Variants in SHTN1 observed in about 807,000 individuals in gnomAD.
SHTN1 encodes shootin 1.
SHTN1 carries 42 observed loss-of-function variants against 83.1 expected under a neutral mutation model. That is an observed-to-expected ratio of 0.51 (90% CI 0.39 to 0.65). SHTN1 has a LOEUF of 0.65. SHTN1 is among the 30% of genes least tolerant of loss of function. The pLI, the probability that SHTN1 is intolerant of heterozygous loss-of-function variation, is 0.00. For missense variants in SHTN1, 622 were observed against 737.8 expected (o/e 0.84, Z 1.82); for synonymous variants, 224 against 247.7 (o/e 0.90, Z 0.90).
intron 2 of SHTN1, among the ~76,000 whole-genome samples, chr10:117,022,026 ATC>A (rs777931349): frequency 1.3e-4 from 20 of 152,266 alleles, no homozygotes; most frequent in Non-Finnish European, 2.4e-4. Flanking sequence ...GCAAAACCAG[ATC>A]TCTCTGAGAA....
At chr10:116,991,921 T>C (rs1851450277) in intron 1 of SHTN1, among the ~76,000 whole-genome samples, 1 of 152,212 alleles carries the variant, frequency 6.6e-6, no homozygotes, top group South Asian at 2.1e-4. Context: ...GCAGGCTGAC[T>C]GCTTGAGATC....
intron 5 of SHTN1, among the ~76,000 whole-genome samples, 187 bp from the exon 6 acceptor site, chr10:116,952,193 A>G (rs935944994): frequency 6.6e-6 from 1 of 152,212 alleles, no homozygotes; most frequent in African/African-American, 2.4e-5. Flanking sequence ...CAAAATAGCC[A>G]TGGATATTAA....
chr10:117,056,562 C>A (rs1327960458), intron 1 of SHTN1, among the ~76,000 whole-genome samples: 4 of 152,112 alleles, frequency 2.6e-5, no homozygotes, highest in African/African-American at 9.7e-5. Context: ...GTAATCCCAG[C>A]ACTTTGGGAG....
chr10:116,947,802 T>C (rs1037462144), intron 7 of SHTN1, among the ~76,000 whole-genome samples: 2 of 152,218 alleles, frequency 1.3e-5, no homozygotes, highest in Non-Finnish European at 2.9e-5. Context: ...ATCTACATGA[T>C]TAATCCTTGC....
chr10:116,997,944 TAGTC>T (rs1261416607), intron 1 of SHTN1, among the ~76,000 whole-genome samples: 1 of 151,992 alleles, frequency 6.6e-6, no homozygotes, highest in Non-Finnish European at 1.5e-5. Context: ...TACATAAAAT[TAGTC>T]AGGCATGGTG....
At chr10:116,887,233 G>A (rs1017636722) in intron 16 of SHTN1, among the ~76,000 whole-genome samples, 5 of 152,198 alleles carry the variant, frequency 3.3e-5, no homozygotes, top group Non-Finnish European at 5.9e-5. Flanking sequence ...TGGAATTTCA[G>A]AGGCAGTTTT....
chr10:116,883,053 A>C lies in SHTN1; in HGVS notation c.*3291T>G, dbSNP rs2133289442. 6.6e-6 allele frequency: 1 copy of C among 152,250 alleles called. No homozygotes were observed. The highest frequency in any genetic ancestry group is 2.1e-4 in the South Asian group (1 of 4,822). 9.4% of individuals were successfully genotyped at this position (152,250 alleles called of 1,614,324 possible). On this transcript the variant is annotated 3_prime_UTR_variant, in exon 17 of 17. Transcript: ENST00000355371. ...TATAAATTATAATTAAATTACTAAA[A>C]CCAGAGCAAAAATGTACAATGAATA...
chr10:116,941,798 T>C (rs976568986), intron 8 of SHTN1, among the ~76,000 whole-genome samples: 11 of 152,138 alleles, frequency 7.2e-5, no homozygotes, highest in Admixed American at 6.5e-5. Flanking sequence ...GACTTCCACA[T>C]CAAAGTCAAG....
At chr10:117,004,004 C>T (rs1007471224) in intron 1 of SHTN1, among the ~76,000 whole-genome samples, 2 of 152,188 alleles carry the variant, frequency 1.3e-5, no homozygotes, top group African/African-American at 4.8e-5. Context: ...TCTCCTGCCT[C>T]AGCCTCCCGG....
At chr10:116,973,754 T>A in intron 2 of SHTN1, 1 of 668,720 alleles carries the variant, frequency 1.5e-6, no homozygotes, top group Non-Finnish European at 2.3e-6. Context: ...TGAAGAAGTT[T>A]AATGCTACAC....
At chr10:117,084,342 C>A (rs936431382) in intron 1 of SHTN1, among the ~76,000 whole-genome samples, 1 of 152,156 alleles carries the variant, frequency 6.6e-6, no homozygotes, top group Admixed American at 6.5e-5. Context: ...AGGGTGCCTC[C>A]CAGTTAGGCT....
intron 11 of SHTN1, among the ~76,000 whole-genome samples, chr10:116,923,288 T>C (rs1026311243): frequency 6.6e-6 from 1 of 152,216 alleles, no homozygotes; most frequent in Non-Finnish European, 1.5e-5. Flanking sequence ...GTACATAGGC[T>C]TGTGTACATA....
chr10:116,951,550 T>A (rs981157523), intron 6 of SHTN1, among the ~76,000 whole-genome samples: 7 of 152,326 alleles, frequency 4.6e-5, no homozygotes, highest in Non-Finnish European at 1.0e-4. Context: ...GAACCAGTCA[T>A]TCACCGGAAA....
chr10:116,949,138 CTTT>C (rs1309038109), intron 6 of SHTN1, 141 bp from the exon 7 acceptor site: 22 of 889,996 alleles, frequency 2.5e-5, no homozygotes, highest in Non-Finnish European at 3.3e-5. Context: ...TGTGTTAGGA[CTTT>C]TTATTAAAGC....
At chr10:117,074,856 G>A (rs899037521) in intron 1 of SHTN1, among the ~76,000 whole-genome samples, 33 of 152,086 alleles carry the variant, frequency 2.2e-4, no homozygotes. Flanking sequence ...GCAGATAGCA[G>A]GTACTCTCTA....
chr10:116,992,240 T>C (rs1851464039), intron 1 of SHTN1, among the ~76,000 whole-genome samples: 1 of 152,210 alleles, frequency 6.6e-6, no homozygotes, highest in South Asian at 2.1e-4. Flanking sequence ...TCTATCTTAG[T>C]TGGAAATCTC....
At chr10:116,900,518 C>T in intron 16 of SHTN1, 3 of 1,515,902 alleles carry the variant, frequency 2.0e-6, no homozygotes, top group Non-Finnish European at 2.7e-6. Context: ...GAAGGAGTTG[C>T]AGTATTTTCT....
chr10:117,061,557 C>A (rs1032269787), intron 1 of SHTN1, among the ~76,000 whole-genome samples: 7 of 145,234 alleles, frequency 4.8e-5, no homozygotes, highest in African/African-American at 1.8e-4. Context: ...GCAACCTCCA[C>A]CTCCTGGGTT....
At chr10:116,919,442 T>C (rs1037141189) in intron 12 of SHTN1, among the ~76,000 whole-genome samples, 14 of 152,172 alleles carry the variant, frequency 9.2e-5, no homozygotes, top group African/African-American at 3.4e-4. Context: ...AGCCCAAGGA[T>C]GTGGGAGAAA....
Sources: allele counts gnomAD v4.1 joint callset (sites outside exome capture counted in the v4.1 genomes callset), GRCh38; gene constraint gnomAD v4.1.1; transcripts MANE v1.5; gene names NCBI Gene and HGNC (gene_info 2026-07-23, HGNC 2026-07-21).